Variants in ROBO2 observed in about 807,000 individuals in gnomAD.
The protein encoded by ROBO2 is roundabout guidance receptor 2.
ROBO2 carries 53 observed loss-of-function variants against 160.8 expected under a neutral mutation model. The ratio of observed to expected loss-of-function variants is 0.33; its 90% CI spans 0.26 to 0.41. ROBO2 has a LOEUF of 0.41. Ranked by LOEUF, ROBO2 falls within the 10% of genes least tolerant of loss-of-function variation. The probability of loss-of-function intolerance (pLI) is 1.00; values close to 1 mark genes in which losing one functional copy is unlikely to be tolerated. For synonymous variants in ROBO2, 664 were observed against 611.7 expected (o/e 1.09, Z -1.26); for missense variants, 1,577 against 1,722.4 (o/e 0.92, Z 1.49).
At chr3:76,696,967 A>T (rs1158400888) in intron 2 of ROBO2, among the ~76,000 whole-genome samples, 3 of 152,212 alleles carry the variant, frequency 2.0e-5, no homozygotes, top group African/African-American at 4.8e-5. Context: ...TTTGTACAAC[A>T]GTGGTGCTGG....
intron 2 of ROBO2, among the ~76,000 whole-genome samples, chr3:77,163,473 T>A (rs1254433270): frequency 6.6e-6 from 1 of 152,228 alleles, no homozygotes; most frequent in Non-Finnish European, 1.5e-5. Flanking sequence ...GTTGTGTTGT[T>A]GTGTTGTAAA....
chr3:77,461,018 T>C (rs554775252), intron 2 of ROBO2, among the ~76,000 whole-genome samples: 3 of 152,300 alleles, frequency 2.0e-5, no homozygotes, highest in Non-Finnish European at 4.4e-5. Context: ...TAGTATACTT[T>C]TGTACCATTT....
chr3:77,577,542 T>C (rs769525668), exon 15 of ROBO2: 1 of 1,613,354 alleles, frequency 6.2e-7, no homozygotes, highest in Non-Finnish European at 8.5e-7. Context: ...GAAGCTACAA[T>C]AGCACAAGTA....
At chr3:76,511,305 T>C (rs1372669385) in intron 2 of ROBO2, among the ~76,000 whole-genome samples, 1 of 152,206 alleles carries the variant, frequency 6.6e-6, no homozygotes, top group Non-Finnish European at 1.5e-5. Context: ...ATTGTTATGC[T>C]AATAAAAAGC....
intron 24 of ROBO2, among the ~76,000 whole-genome samples, chr3:77,641,379 T>C (rs2095348433): frequency 6.6e-6 from 1 of 152,200 alleles, no homozygotes; most frequent in Non-Finnish European, 1.5e-5. Context: ...ACTTTGCTCA[T>C]AAAAGAGAGT....
intron 2 of ROBO2, among the ~76,000 whole-genome samples, chr3:77,343,181 C>T (rs185051785): frequency 6.6e-5 from 10 of 152,222 alleles, no homozygotes. Flanking sequence ...TATACAGTCA[C>T]ATTGGGGGTT....
intron 2 of ROBO2, among the ~76,000 whole-genome samples, chr3:77,206,850 T>C (rs1442317890): frequency 6.6e-6 from 1 of 152,122 alleles, no homozygotes; most frequent in African/African-American, 2.4e-5. Flanking sequence ...AATCCATTGA[T>C]GAAACCATTC....
Position 76,916,268 on chromosome 3 carries a change from TAA to T in ROBO2, c.110-181745_110-181744del, listed in dbSNP as rs374931411. Among the ~76,000 whole-genome samples the T allele has an allele frequency of 5.9e-3, 901 of 152,360 alleles. 7 individuals carry two copies. The highest frequency in any genetic ancestry group is 0.021 in the African/African-American group (879 of 41,600). On this transcript the variant is annotated intron_variant, in intron 2 of 26. Coordinates refer to the ROBO2 transcript ENST00000487694. ...TGAGACTTGTTTATGCAGCCATCAT[TAA>T]CTTTGGTTAAGAACGTCTGAGTGAA...
chr3:77,599,033 G>T (rs571374059), intron 19 of ROBO2, among the ~76,000 whole-genome samples: 2 of 152,218 alleles, frequency 1.3e-5, no homozygotes, highest in Non-Finnish European at 2.9e-5. Context: ...TACACCTGGA[G>T]ATTTGCAAGG....
At chr3:76,300,435 G>T (rs1159230039) in intron 2 of ROBO2, among the ~76,000 whole-genome samples, 1 of 151,978 alleles carries the variant, frequency 6.6e-6, no homozygotes, top group East Asian at 1.9e-4. Flanking sequence ...TGTTCAGTGA[G>T]AGATATATTG....
chr3:76,333,084 G>A (rs71195263), intron 2 of ROBO2, among the ~76,000 whole-genome samples: 3,551 of 152,238 alleles, frequency 0.023, 56 homozygotes, highest in Non-Finnish European at 0.034. Flanking sequence ...CCTTGAGAAC[G>A]CCTAGTATAT....
At chr3:76,247,897 C>G (rs1045707092) in intron 2 of ROBO2, among the ~76,000 whole-genome samples, 1 of 151,622 alleles carries the variant, frequency 6.6e-6, no homozygotes, top group Non-Finnish European at 1.5e-5. Context: ...AAAATGCTCA[C>G]CATCACTGGC....
intron 2 of ROBO2, among the ~76,000 whole-genome samples, chr3:76,689,810 T>C (rs2092763201): frequency 6.6e-6 from 1 of 152,114 alleles, no homozygotes; most frequent in South Asian, 2.1e-4. Context: ...GCCCATCCAG[T>C]TCCCCGTTCT....
rs114927870 is a variant in ROBO2, at chr3:77,434,397, C to T, written c.389-43017C>T. ...ATTGTGTAAAATGTGTCAGCCTCACCAGAATGGAATCTCTAGAAAGACAAG... is the reference window on the plus strand; with the variant it reads ...ATTGTGTAAAATGTGTCAGCCTCACTAGAATGGAATCTCTAGAAAGACAAG... On this transcript the variant is annotated intron_variant, in intron 2 of 25. Coordinates refer to ENST00000461745, the Ensembl canonical transcript of ROBO2. Among the ~76,000 whole-genome samples, 1,489 of 152,144 alleles carry T rather than the reference C, an allele frequency of 9.8e-3. 26 individuals are homozygous for T. Among genetic ancestry groups the T allele is most frequent in the African/African-American group, 0.034 (1,409 of 41,520 alleles).
intron 2 of ROBO2, among the ~76,000 whole-genome samples, chr3:77,214,434 G>A (rs941519920): frequency 7.9e-5 from 12 of 151,996 alleles, no homozygotes; most frequent in African/African-American, 1.2e-4. Context: ...TTTGCTTGGT[G>A]GATCTTCCTC....
chr3:77,537,205 C>T (rs576930196), intron 6 of ROBO2, among the ~76,000 whole-genome samples: 32 of 151,500 alleles, frequency 2.1e-4, no homozygotes, highest in Non-Finnish European at 3.5e-4. Context: ...GTTATTTTGT[C>T]GTCATACTAT....
intron 2 of ROBO2, among the ~76,000 whole-genome samples, chr3:76,021,656 G>T (rs1041558690): frequency 1.3e-5 from 2 of 151,780 alleles, no homozygotes; most frequent in Admixed American, 6.6e-5. Context: ...AATATAACCA[G>T]CTGAGTGTGC....
Position 77,640,489 on chromosome 3 carries a change from G to A in ROBO2, c.3935-4215G>A, listed in dbSNP as rs999510178. 2.0e-5 allele frequency among the ~76,000 whole-genome samples: 3 copies of A among 152,164 alleles called. No homozygotes were observed. In the East Asian group the frequency reaches 5.8e-4, roughly 29 times the overall value. ...GAGAAGCTTTCTGAACACCTAAGTG[G>A]AACTGTCCAGTGTAGCTCTGGTTAC... is the stretch of plus-strand genomic sequence containing the variant. On this transcript the variant is annotated intron_variant, in intron 24 of 25. Coordinates refer to ENST00000461745, the Ensembl canonical transcript of ROBO2.
intron 16 of ROBO2, among the ~76,000 whole-genome samples, chr3:77,587,303 A>G (rs759749403): frequency 3.9e-5 from 6 of 152,032 alleles, no homozygotes; most frequent in Non-Finnish European, 8.8e-5. Context: ...CCTAGTTACC[A>G]CTGGCTAATG....
Sources: gnomAD v4.1 joint callset for allele counts (sites outside exome capture counted in the v4.1 genomes callset) on GRCh38, gnomAD v4.1.1 for gene constraint, MANE v1.5 for transcripts, NCBI Gene and HGNC (gene_info 2026-07-23, HGNC 2026-07-21) for gene names.